JAK1: variants seen among roughly 807,000 people sequenced by gnomAD.
JAK1 encodes tyrosine-protein kinase JAK1.
In JAK1, 16 loss-of-function variants were observed where a neutral mutation model predicts 136.6. The observed-to-expected ratio is 0.12, with a 90% CI of 0.08 to 0.18. The LOEUF (loss-of-function observed/expected upper bound fraction) is 0.18, where lower values mean the gene tolerates loss of function less well. Ranked by LOEUF, JAK1 falls within the 10% of genes least tolerant of loss-of-function variation. JAK1 has a pLI of 1.00. For missense variants in JAK1, 859 were observed against 1,450.1 expected (o/e 0.59, Z 6.62); for synonymous variants, 492 against 519.5 (o/e 0.95, Z 0.72).
At chr1:64,934,230 A>T (rs1218577900) in intron 1 of JAK1, among the ~76,000 whole-genome samples, 1 of 152,200 alleles carries the variant, frequency 6.6e-6, no homozygotes, top group African/African-American at 2.4e-5. Context: ...CTCTCAAATG[A>T]CCTCCGGCTC....
At chr1:64,836,034 A>C (rs1478694284) in intron 23 of JAK1, 64 bp downstream of exon 23, 1 of 858,824 alleles carries the variant, frequency 1.2e-6, no homozygotes, top group Non-Finnish European at 1.9e-6. Context: ...AAGTTAACCA[A>C]GCAGAGGGAT....
chr1:65,010,803 T>A (rs1248530992), intron 2 of JAK1, among the ~76,000 whole-genome samples: 1 of 152,096 alleles, frequency 6.6e-6, no homozygotes, highest in Admixed American at 6.5e-5. Context: ...ACCCTGTCTC[T>A]TAAAAAAAAG....
intron 1 of JAK1, among the ~76,000 whole-genome samples, chr1:65,064,467 T>C (rs1372615320): frequency 6.6e-6 from 1 of 152,224 alleles, no homozygotes; most frequent in Non-Finnish European, 1.5e-5. Context: ...TTCCAATCTT[T>C]AAGTTGTCAA....
chr1:64,961,645 C>T (rs567717610), intron 1 of JAK1, among the ~76,000 whole-genome samples: 2 of 152,264 alleles, frequency 1.3e-5, no homozygotes, highest in Admixed American at 6.5e-5. Context: ...ACTGACACCA[C>T]GTACATGCCC....
At chr1:64,884,842 A>T (rs1175930562) in intron 2 of JAK1, among the ~76,000 whole-genome samples, 1 of 152,200 alleles carries the variant, frequency 6.6e-6, no homozygotes, top group Admixed American at 6.5e-5. Context: ...AGGAAATTTA[A>T]GCATCTTATG....
intron 1 of JAK1, among the ~76,000 whole-genome samples, chr1:64,893,083 C>G (rs971734078): frequency 6.6e-6 from 1 of 151,792 alleles, no homozygotes; most frequent in Non-Finnish European, 1.5e-5. Flanking sequence ...GGAATCTGCT[C>G]TCAGTTTTCA....
chr1:64,871,010 T>A (rs1657040954), intron 5 of JAK1, among the ~76,000 whole-genome samples: 1 of 152,042 alleles, frequency 6.6e-6, no homozygotes, highest in Non-Finnish European at 1.5e-5. Context: ...ATTCTTCAAG[T>A]ATGGCACACT....
chr1:64,920,278 ATG>A (rs1228590829), intron 1 of JAK1, among the ~76,000 whole-genome samples: 1 of 152,222 alleles, frequency 6.6e-6, no homozygotes, highest in Admixed American at 6.5e-5. Flanking sequence ...GTGGTGGCAC[ATG>A]TGTCATCCTA....
chr1:64,947,622 C>T (rs200801233), intron 1 of JAK1, among the ~76,000 whole-genome samples: 1 of 147,032 alleles, frequency 6.8e-6, no homozygotes, highest in African/African-American at 2.5e-5. Flanking sequence ...CCAATAAATC[C>T]TTTTTTTTTT....
chr1:64,853,944 G>A (rs895366822), intron 11 of JAK1, among the ~76,000 whole-genome samples: 2 of 152,202 alleles, frequency 1.3e-5, no homozygotes, highest in Non-Finnish European at 2.9e-5. Context: ...ACTGGGGTTC[G>A]TTCCAGTGTG....
chr1:64,950,996 A>G (rs1646075667), intron 1 of JAK1, among the ~76,000 whole-genome samples: 1 of 152,220 alleles, frequency 6.6e-6, no homozygotes, highest in Non-Finnish European at 1.5e-5. Context: ...AAGTATTACA[A>G]GATTTTATGA....
intron 1 of JAK1, among the ~76,000 whole-genome samples, chr1:65,054,661 G>A (rs1171874715): frequency 6.6e-6 from 1 of 152,164 alleles, no homozygotes; most frequent in Non-Finnish European, 1.5e-5. Flanking sequence ...AACAGGAAGA[G>A]GACCAGTGAG....
intron 1 of JAK1, among the ~76,000 whole-genome samples, chr1:64,936,489 C>G (rs1645791240): frequency 6.6e-6 from 1 of 152,168 alleles, no homozygotes; most frequent in Non-Finnish European, 1.5e-5. Context: ...TTGGGGAAAT[C>G]CAGTTATTTC....
chr1:65,047,635 C>T (rs955080973), intron 1 of JAK1, among the ~76,000 whole-genome samples: 1 of 151,832 alleles, frequency 6.6e-6, no homozygotes, highest in African/African-American at 2.4e-5. Context: ...AGGAGAATGG[C>T]GTGAACCTGG....
intron 8 of JAK1, among the ~76,000 whole-genome samples, chr1:64,861,448 G>A (rs1050095464): frequency 6.6e-6 from 1 of 152,116 alleles, no homozygotes; most frequent in South Asian, 2.1e-4. Context: ...CTTTTGTCCT[G>A]ATCATTGATC....
At chr1:65,009,872 T>C (rs754246776) in intron 2 of JAK1, among the ~76,000 whole-genome samples, 3 of 152,226 alleles carry the variant, frequency 2.0e-5, no homozygotes, top group East Asian at 1.9e-4. Context: ...ATTACACTTA[T>C]GCAAAAGCAT....
chr1:64,864,813 T>G lies in JAK1; in HGVS notation c.1150A>C (p.Ile384Leu). The change falls in exon 8 of 25, where the codon ATT (isoleucine) becomes CTT (leucine). Residue 384 changes from isoleucine (I) to leucine (L), a missense_variant. Coordinates refer to ENST00000342505, the MANE Select transcript of JAK1 (RefSeq NM_002227.4). ...ATTTTCTTGTTGTCCTGCTTGTTAA[T>G]GCTGACCACAGACTCCTTTATTACA... is the stretch of plus-strand genomic sequence containing the variant. ...HIVIKESVVS[I>L]NKQDNKKMEL... is the part of the protein sequence containing the mutation. 1 of 1,613,386 alleles carries G rather than the reference T, an allele frequency of 6.2e-7. No individual in the cohort carries two copies.
At chr1:64,864,519 T>A (rs1252897930) in intron 8 of JAK1, among the ~76,000 whole-genome samples, 1 of 152,256 alleles carries the variant, frequency 6.6e-6, no homozygotes, top group Admixed American at 6.5e-5. Context: ...CTTTGTGAAT[T>A]AAATATTGAT....
upstream of JAK1, among the ~76,000 whole-genome samples, chr1:64,967,374 C>G (rs1646404159): frequency 6.6e-6 from 1 of 152,210 alleles, no homozygotes; most frequent in Admixed American, 6.5e-5. Context: ...CCACGAACAT[C>G]TCTTAAATCG....
Sources: gnomAD v4.1 joint callset for allele counts (sites outside exome capture counted in the v4.1 genomes callset) on GRCh38, gnomAD v4.1.1 for gene constraint, MANE v1.5 for transcripts, NCBI Gene and HGNC (gene_info 2026-07-23, HGNC 2026-07-21) for gene names.